ROBO2: variants seen among roughly 807,000 people sequenced by gnomAD.
The protein encoded by ROBO2 is roundabout guidance receptor 2, also known as roundabout homolog 2.
Under a neutral mutation model 160.8 loss-of-function variants are expected in ROBO2, and 53 were observed. The observed-to-expected ratio is 0.33, with a 90% CI of 0.26 to 0.41. The LOEUF is 0.41. ROBO2 is among the 10% of genes least tolerant of loss of function. The pLI, the probability that ROBO2 is intolerant of heterozygous loss-of-function variation, is 1.00. For missense variants in ROBO2, 1,577 were observed against 1,722.4 expected (o/e 0.92, Z 1.49); for synonymous variants, 664 against 611.7 (o/e 1.09, Z -1.26).
intron 2 of ROBO2, among the ~76,000 whole-genome samples, chr3:76,647,869 A>T (rs1177750183): frequency 6.6e-6 from 1 of 152,178 alleles, no homozygotes; most frequent in Non-Finnish European, 1.5e-5. Flanking sequence ...TGGGGGAAAA[A>T]CAAAAATCAT....
chr3:76,930,065 C>T (rs893734299), intron 2 of ROBO2, among the ~76,000 whole-genome samples: 4 of 152,046 alleles, frequency 2.6e-5, no homozygotes, highest in African/African-American at 9.7e-5. Flanking sequence ...GCTCTGTCAC[C>T]CGGGCTGGAG....
chr3:76,652,401 C>T (rs900850124), intron 2 of ROBO2, among the ~76,000 whole-genome samples: 5 of 152,076 alleles, frequency 3.3e-5, no homozygotes, highest in Admixed American at 1.3e-4. Context: ...TAAAATGTTG[C>T]ACAACTTACT....
intron 2 of ROBO2, among the ~76,000 whole-genome samples, chr3:76,602,391 G>A (rs2087221982): frequency 2.0e-5 from 3 of 152,036 alleles, no homozygotes; most frequent in South Asian, 2.1e-4. Flanking sequence ...TAGTGTATTC[G>A]TTCGTTTTCA....
chr3:77,646,098 G>C (rs770304222), exon 26 of ROBO2: 1 of 1,537,432 alleles, frequency 6.5e-7, no homozygotes, highest in Non-Finnish European at 9.0e-7. Context: ...AGGACCATCA[G>C]GTCCGGACTC....
chr3:77,231,038 A>G (rs2087112169), intron 2 of ROBO2, among the ~76,000 whole-genome samples: 1 of 152,044 alleles, frequency 6.6e-6, no homozygotes, highest in Non-Finnish European at 1.5e-5. Context: ...ATATTGCTTT[A>G]TTTAGAACTG....
chr3:76,834,034 TC>T (rs2067338107), intron 2 of ROBO2, among the ~76,000 whole-genome samples: 1 of 150,150 alleles, frequency 6.7e-6, no homozygotes, highest in African/African-American at 2.4e-5. Context: ...TTTCTTTCTT[TC>T]TTTCCTTTCT....
At chr3:76,745,795 TTATTTTTA>T (rs2093876199) in intron 2 of ROBO2, among the ~76,000 whole-genome samples, 1 of 100,398 alleles carries the variant, frequency 1.0e-5, no homozygotes, top group South Asian at 3.7e-4. Flanking sequence ...TTTAAAAAAT[TTATTTTTA>T]TTTATTTATT....
At chr3:76,615,512 T>C (rs1278501664) in intron 2 of ROBO2, among the ~76,000 whole-genome samples, 2 of 152,172 alleles carry the variant, frequency 1.3e-5, no homozygotes, top group East Asian at 3.9e-4. Flanking sequence ...TAAAGAAGTT[T>C]ATGTATAGAA....
At chr3:76,208,340 T>A (rs1203259841) in intron 2 of ROBO2, among the ~76,000 whole-genome samples, 2 of 152,210 alleles carry the variant, frequency 1.3e-5, no homozygotes, top group Admixed American at 6.5e-5. Flanking sequence ...TCAGAATTAA[T>A]CATCATTTAT....
At chr3:76,850,231 A>C (rs1292733437) in intron 2 of ROBO2, among the ~76,000 whole-genome samples, 3 of 151,450 alleles carry the variant, frequency 2.0e-5, no homozygotes, top group African/African-American at 7.3e-5. Flanking sequence ...TTTATGACTA[A>C]AAAAAAAATT....
At chr3:77,543,993 G>A (rs1473428449) in intron 6 of ROBO2, among the ~76,000 whole-genome samples, 3 of 151,876 alleles carry the variant, frequency 2.0e-5, no homozygotes, top group Non-Finnish European at 4.4e-5. Flanking sequence ...GTCCATGTTG[G>A]CATTATTATT....
chr3:76,896,589 T>C (rs2074797369), intron 2 of ROBO2, among the ~76,000 whole-genome samples: 1 of 152,170 alleles, frequency 6.6e-6, no homozygotes. Flanking sequence ...CAATTCTTAA[T>C]TGAGAATGTC....
intron 6 of ROBO2, chr3:77,538,722 A>G (rs2092303745): frequency 3.4e-6 from 1 of 296,612 alleles, no homozygotes; most frequent in South Asian, 2.9e-5. Flanking sequence ...CATAGTAAAA[A>G]TTAAATAAAA....
chr3:77,226,316 G>A (rs571729521), intron 2 of ROBO2, among the ~76,000 whole-genome samples: 4 of 151,282 alleles, frequency 2.6e-5, no homozygotes, highest in African/African-American at 9.7e-5. Flanking sequence ...TCAGTTTCAC[G>A]TATATTCTTT....
rs1191968643 is a variant in ROBO2, at chr3:76,110,865, C to T, written c.109+173263C>T. On this transcript the variant is annotated intron_variant, in intron 2 of 26. Coordinates refer to the ROBO2 transcript ENST00000487694. ...GTCTGTTAATCATAAAAATACTGTG[C>T]TTAAATCTTCCTTACTTTAGCAAAC... Among the ~76,000 whole-genome samples the T allele has an allele frequency of 2.0e-5, 3 of 152,072 alleles. No individual in the cohort carries two copies. The East Asian group carries it at 5.8e-4, about 29-fold the overall frequency.
At chr3:76,281,737 T>C (rs576638644) in intron 2 of ROBO2, among the ~76,000 whole-genome samples, 5 of 152,026 alleles carry the variant, frequency 3.3e-5, no homozygotes, top group Non-Finnish European at 7.4e-5. Context: ...AGAAGTATAA[T>C]TACCCTTTTT....
intron 5 of ROBO2, among the ~76,000 whole-genome samples, chr3:77,504,989 G>A (rs1164368419): frequency 2.6e-5 from 4 of 152,212 alleles, no homozygotes; most frequent in South Asian, 2.1e-4. Context: ...TTTGGAAAGC[G>A]TGGGCCAACA....
chr3:76,183,291 C>T (rs1020979161), intron 2 of ROBO2, among the ~76,000 whole-genome samples: 2 of 152,098 alleles, frequency 1.3e-5, no homozygotes, highest in African/African-American at 4.8e-5. Flanking sequence ...ATCTTATCAC[C>T]TGTGCTCAAA....
At chr3:76,104,002 T>C (rs116930056) in intron 2 of ROBO2, among the ~76,000 whole-genome samples, 1 of 152,304 alleles carries the variant, frequency 6.6e-6, no homozygotes, top group East Asian at 1.9e-4. Flanking sequence ...CATGTTTCAC[T>C]TTCCCTGTAA....
Sources: gnomAD v4.1 joint callset for allele counts (sites outside exome capture counted in the v4.1 genomes callset) on GRCh38, gnomAD v4.1.1 for gene constraint, MANE v1.5 for transcripts, NCBI Gene and HGNC (gene_info 2026-07-23, HGNC 2026-07-21) for gene names.